Variants in DNAH7 observed in about 807,000 individuals in gnomAD.
DNAH7 encodes axonemal beta dynein heavy chain 7.
DNAH7 carries 397 observed loss-of-function variants against 444.6 expected under a neutral mutation model. The observed-to-expected ratio is 0.89, with a 90% CI of 0.82 to 0.97. DNAH7 has a LOEUF of 0.97. DNAH7 is among the 50% of genes least tolerant of loss of function. The pLI, the probability that DNAH7 is intolerant of heterozygous loss-of-function variation, is 0.00. For synonymous variants in DNAH7, 1,636 were observed against 1,624.4 expected (o/e 1.01, Z -0.17); for missense variants, 4,902 against 4,800.8 (o/e 1.02, Z -0.62).
At chr2:195,947,448 T>C (rs1689893380) in intron 19 of DNAH7, among the ~76,000 whole-genome samples, 1 of 152,032 alleles carries the variant, frequency 6.6e-6, no homozygotes, top group South Asian at 2.1e-4. Context: ...CCCCTACCCC[T>C]TCACCCCACA....
At chr2:195,863,477 C>A (rs1574599856) in intron 41 of DNAH7, among the ~76,000 whole-genome samples, 1 of 152,214 alleles carries the variant, frequency 6.6e-6, no homozygotes, top group Admixed American at 6.5e-5. Flanking sequence ...GTTCCTACCC[C>A]CCATCCATTC....
chr2:196,009,417 G>A (rs1434841734), intron 10 of DNAH7, among the ~76,000 whole-genome samples: 5 of 152,124 alleles, frequency 3.3e-5, no homozygotes, highest in South Asian at 2.1e-4. Flanking sequence ...AAAATTTCAT[G>A]CTTTCTTACA....
intron 12 of DNAH7, 37 bp from the exon 13 acceptor site, chr2:195,988,266 T>C (rs764429157): frequency 1.3e-6 from 2 of 1,486,850 alleles, no homozygotes; most frequent in Non-Finnish European, 1.8e-6. Flanking sequence ...ATTTAAAATA[T>C]CTTAAAGTAA....
intron 33 of DNAH7, among the ~76,000 whole-genome samples, chr2:195,888,029 G>A (rs905659464): frequency 2.6e-5 from 4 of 151,956 alleles, no homozygotes; most frequent in African/African-American, 4.8e-5. Context: ...ATGGTTATGC[G>A]GGCCTTTGAG....
chr2:195,775,614 A>C (rs528796746), intron 60 of DNAH7, among the ~76,000 whole-genome samples: 1 of 151,520 alleles, frequency 6.6e-6, no homozygotes, highest in African/African-American at 2.4e-5. Flanking sequence ...ATGATACTTA[A>C]AGAATATATC....
At chr2:195,870,795 T>C (rs1180044283) in intron 40 of DNAH7, among the ~76,000 whole-genome samples, 1 of 152,180 alleles carries the variant, frequency 6.6e-6, no homozygotes, top group Admixed American at 6.5e-5. Flanking sequence ...GCCTTGATCT[T>C]GAACTTTCCA....
At chr2:195,877,189 G>A (rs1312522855) in intron 36 of DNAH7, among the ~76,000 whole-genome samples, 3 of 152,158 alleles carry the variant, frequency 2.0e-5, no homozygotes. Flanking sequence ...GTATGCCAGG[G>A]ACAGGACATA....
intron 10 of DNAH7, among the ~76,000 whole-genome samples, chr2:196,008,195 T>C (rs1270757882): frequency 6.6e-6 from 1 of 151,936 alleles, no homozygotes; most frequent in South Asian, 2.1e-4. Context: ...GTCAACATCA[T>C]TGGTCATGAG....
At chr2:195,989,819 C>T (rs570541687) in intron 12 of DNAH7, among the ~76,000 whole-genome samples, 2 of 152,280 alleles carry the variant, frequency 1.3e-5, no homozygotes, top group East Asian at 3.9e-4. Context: ...ACGTGAGACA[C>T]CTGTTCCCTC....
intron 63 of DNAH7, among the ~76,000 whole-genome samples, chr2:195,747,412 A>T (rs1693494643): frequency 1.3e-5 from 2 of 152,246 alleles, no homozygotes; most frequent in Non-Finnish European, 2.9e-5. Flanking sequence ...CAGAGGCACA[A>T]GGAGGAACTG....
At chr2:196,008,945 C>T (rs534839847) in intron 10 of DNAH7, among the ~76,000 whole-genome samples, 1 of 151,290 alleles carries the variant, frequency 6.6e-6, no homozygotes. Context: ...GCATCTGATT[C>T]CAGTGAAGGC....
intron 5 of DNAH7, among the ~76,000 whole-genome samples, chr2:196,046,995 T>C (rs1020266427): frequency 1.3e-5 from 2 of 152,094 alleles, no homozygotes; most frequent in African/African-American, 2.4e-5. Context: ...ATTCCTTTTC[T>C]ATACAAGGAG....
In DNAH7 at chr2:195,855,960, TTA is replaced by T. The variant is rs751353415; in HGVS notation, c.8444_8445del (p.Ile2815LysfsTer6). ...KVAKIVAPKK[I>X]KLAAAEGELK... is the part of the protein sequence containing the mutation. ...AGCTCCCCTTCAGCTGCAGCCAGTT[TTA>T]TCTTTTTGGGAGCTACTATTTTTGC... is the stretch of plus-strand genomic sequence containing the variant. On this transcript the variant is annotated frameshift_variant, in exon 45 of 65. Coordinates refer to ENST00000312428, the MANE Select transcript of DNAH7 (RefSeq NM_018897.3). LOFTEE classifies it high-confidence loss of function. The T allele has an allele frequency of 6.2e-7, 1 of 1,612,794 alleles. No homozygotes were observed. The highest frequency in any genetic ancestry group is 1.3e-5 in the African/African-American group (1 of 74,862).
At chr2:196,016,394 C>T (rs546387976) in intron 9 of DNAH7, among the ~76,000 whole-genome samples, 1 of 152,180 alleles carries the variant, frequency 6.6e-6, no homozygotes, top group African/African-American at 2.4e-5. Flanking sequence ...ATTTTAACTC[C>T]AATATTCAAA....
intron 63 of DNAH7, among the ~76,000 whole-genome samples, chr2:195,752,728 G>A (rs1693861391): frequency 6.6e-6 from 1 of 152,128 alleles, no homozygotes; most frequent in Admixed American, 6.6e-5. Context: ...AACAAAGAGA[G>A]AAGCATGTCT....
intron 54 of DNAH7, 88 bp from the exon 55 acceptor site, chr2:195,799,560 A>G: frequency 8.3e-7 from 1 of 1,206,782 alleles, no homozygotes. Flanking sequence ...TTTTAAAACA[A>G]AATACCCTAG....
At chr2:195,968,900 C>T (rs1478147568) in intron 17 of DNAH7, among the ~76,000 whole-genome samples, 1 of 152,174 alleles carries the variant, frequency 6.6e-6, no homozygotes, top group Non-Finnish European at 1.5e-5. Context: ...CTTTCTGCTG[C>T]AACAGGGCAG....
At chr2:195,815,385 A>C (rs1285884151) in intron 51 of DNAH7, among the ~76,000 whole-genome samples, 2 of 152,144 alleles carry the variant, frequency 1.3e-5, no homozygotes, top group Non-Finnish European at 2.9e-5. Flanking sequence ...TGTCGGACTC[A>C]CACCTTTATT....
Position 195,777,947 on chromosome 2 carries a change from T to C in DNAH7, c.10917A>G (p.Glu3639=). Residue 3639 remains glutamate, a synonymous_variant, in exon 59 of 65, where the codon GAA becomes GAG. Coordinates refer to ENST00000312428, the MANE Select transcript of DNAH7 (RefSeq NM_018897.3). The part of the protein sequence containing the change: ...PYEALRYMTG[E]CNYGGRVTDD... ...CGGTCACTCTGCCTCCGTAATTGCA[T>C]TCGCCAGTCATGTACCGCAGAGCCT... is the stretch of plus-strand genomic sequence containing the variant. The C allele has an allele frequency of 6.2e-7, 1 of 1,614,108 alleles. No homozygotes were observed. The highest frequency in any genetic ancestry group is 8.5e-7 in the Non-Finnish European group (1 of 1,179,954).
Sources: gnomAD v4.1 joint callset for allele counts (sites outside exome capture counted in the v4.1 genomes callset) on GRCh38, gnomAD v4.1.1 for gene constraint, MANE v1.5 for transcripts, NCBI Gene and HGNC (gene_info 2026-07-23, HGNC 2026-07-21) for gene names.